C10orf67: variants seen among roughly 807,000 people sequenced by gnomAD.
The protein encoded by C10orf67 is uncharacterized protein C10orf67, mitochondrial.
C10orf67 carries 60 observed loss-of-function variants against 35.6 expected under a neutral mutation model. That is an observed-to-expected ratio of 1.68 (90% CI 1.37 to 2.09). The LOEUF is 2.09. C10orf67 is among the 30% of genes most tolerant of loss of function. The pLI, the probability that C10orf67 is intolerant of heterozygous loss-of-function variation, is 0.00. For synonymous variants in C10orf67, 167 were observed against 115.8 expected (o/e 1.44, Z -2.84); for missense variants, 474 against 330.2 (o/e 1.44, Z -3.38).
intron 13 of C10orf67, among the ~76,000 whole-genome samples, chr10:23,232,619 C>T (rs1025214388): frequency 6.6e-6 from 1 of 152,144 alleles, no homozygotes; most frequent in African/African-American, 2.4e-5. Context: ...GCCCTAAACC[C>T]TGCCACTTGG....
intron 1 of C10orf67, among the ~76,000 whole-genome samples, chr10:23,335,226 T>C (rs1164634365): frequency 6.6e-6 from 1 of 151,844 alleles, no homozygotes; most frequent in Non-Finnish European, 1.5e-5. Context: ...ATTTGACTGA[T>C]GACTTTGCTC....
At chr10:23,330,223 C>T (rs1327007888) in intron 2 of C10orf67, among the ~76,000 whole-genome samples, 2 of 152,120 alleles carry the variant, frequency 1.3e-5, no homozygotes, top group Non-Finnish European at 1.5e-5. Context: ...TTTGGGAGGC[C>T]AAGGCAGGAG....
At chr10:23,228,951 T>C (rs188742751) in intron 13 of C10orf67, among the ~76,000 whole-genome samples, 44 of 152,270 alleles carry the variant, frequency 2.9e-4, no homozygotes, top group African/African-American at 9.9e-4. Flanking sequence ...CTGGAGACGA[T>C]GAGGTGATAT....
intron 1 of C10orf67, among the ~76,000 whole-genome samples, chr10:23,342,790 C>A (rs148681239): frequency 6.6e-6 from 1 of 152,342 alleles, no homozygotes; most frequent in East Asian, 1.9e-4. Context: ...CTGGGGAAGC[C>A]CAGCCCAGGA....
chr10:23,309,822 G>C (rs1464747808), intron 4 of C10orf67, among the ~76,000 whole-genome samples: 1 of 152,144 alleles, frequency 6.6e-6, no homozygotes, highest in African/African-American at 2.4e-5. Flanking sequence ...GAACAAAAAA[G>C]TTTTACTTTT....
At chr10:23,338,310 C>T (rs1332544918) in intron 1 of C10orf67, among the ~76,000 whole-genome samples, 1 of 152,138 alleles carries the variant, frequency 6.6e-6, no homozygotes, top group Admixed American at 6.6e-5. Flanking sequence ...TTTCCCCTTA[C>T]CAAGGCTGGC....
chr10:23,238,766 A>G (rs1303483054), intron 13 of C10orf67, among the ~76,000 whole-genome samples: 2 of 152,208 alleles, frequency 1.3e-5, no homozygotes, highest in Non-Finnish European at 2.9e-5. Context: ...GAGATGAGGA[A>G]AAACCAAGAG....
chr10:23,342,858 C>T (rs1487197928), intron 1 of C10orf67, among the ~76,000 whole-genome samples: 1 of 152,270 alleles, frequency 6.6e-6, no homozygotes, highest in African/African-American at 2.4e-5. Context: ...GTCCCTTCTT[C>T]TCACCCTGGA....
intron 7 of C10orf67, among the ~76,000 whole-genome samples, chr10:23,288,472 G>A (rs1006191363): frequency 1.3e-5 from 2 of 152,162 alleles, no homozygotes; most frequent in Admixed American, 1.3e-4. Flanking sequence ...CCTGTTGGGG[G>A]GCTGGGGGGT....
chr10:23,292,998 T>TTG (rs35211468), intron 5 of C10orf67, among the ~76,000 whole-genome samples: 3,501 of 148,686 alleles, frequency 0.024, 59 homozygotes, highest in South Asian at 0.044. Flanking sequence ...CTAAAAGGTT[T>TTG]TGTGTGTGTG....
chr10:23,270,295 C>T lies in C10orf67; in HGVS notation c.976-3041G>A, dbSNP rs550582837. 7.2e-5 allele frequency among the ~76,000 whole-genome samples: 11 copies of T among 152,270 alleles called. 1 individual carries two copies. In the South Asian group the frequency reaches 1.7e-3, roughly 23 times the overall value. On this transcript the variant is annotated intron_variant, in intron 8 of 15. Coordinates refer to ENST00000636213, the MANE Select transcript of C10orf67 (RefSeq NM_001371909.1). ...ACAGAGCCAAAGAAACCCCTGCCCC[C>T]AGCCAAGGGAAGTGGTGAGTGATTG... is the stretch of plus-strand genomic sequence containing the variant.
At chr10:23,331,190 G>GAA (rs1845443415) in intron 2 of C10orf67, among the ~76,000 whole-genome samples, 1 of 109,584 alleles carries the variant, frequency 9.1e-6, no homozygotes. Flanking sequence ...GAAGGGAAGG[G>GAA]AAGGGAAGGG....
At chr10:23,266,662 A>G (rs1294814262) in intron 9 of C10orf67, among the ~76,000 whole-genome samples, 2 of 151,830 alleles carry the variant, frequency 1.3e-5, no homozygotes, top group African/African-American at 4.8e-5. Context: ...CTAAGAACAC[A>G]CCAACAGATC....
At chr10:23,260,753 T>C (rs1842726420) in intron 10 of C10orf67, among the ~76,000 whole-genome samples, 1 of 152,210 alleles carries the variant, frequency 6.6e-6, no homozygotes, top group Non-Finnish European at 1.5e-5. Flanking sequence ...TGGCTTCTTA[T>C]TGACCTCTTA....
rs1359001935 is a variant in C10orf67 at position 23,323,484 on chromosome 10, G to A, written c.328-947C>T. Reference sequence around the variant, plus strand: ...AAACTTAAAAGAAGAAAAAAAGAGAGATCTAAAAAAAAAATTTATTCTCTA... The same window carrying A: ...AAACTTAAAAGAAGAAAAAAAGAGAAATCTAAAAAAAAAATTTATTCTCTA... On this transcript the variant is annotated intron_variant, in intron 2 of 15. Transcript: ENST00000636213. 2.0e-5 allele frequency among the ~76,000 whole-genome samples: 3 copies of A among 151,572 alleles called. No individual in the cohort carries two copies. In the East Asian group the frequency reaches 5.8e-4, roughly 29 times the overall value.
At chr10:23,272,040 T>C (rs1843041471) in intron 8 of C10orf67, among the ~76,000 whole-genome samples, 1 of 152,140 alleles carries the variant, frequency 6.6e-6, no homozygotes. Context: ...CCTCAGCCTC[T>C]GAAGTATCTG....
intron 5 of C10orf67, among the ~76,000 whole-genome samples, chr10:23,294,384 C>G (rs936182447): frequency 6.6e-6 from 1 of 151,876 alleles, no homozygotes; most frequent in Non-Finnish European, 1.5e-5. Flanking sequence ...CACACACACA[C>G]AGAAACACAC....
chr10:23,258,436 G>T, intron 10 of C10orf67: 1 of 169,610 alleles, frequency 5.9e-6, no homozygotes, highest in South Asian at 1.7e-4. Flanking sequence ...AGCAAAGTGG[G>T]GACAGACTAG....
At position 23,239,730 on chromosome 10, in the gene C10orf67, A is replaced by G; in HGVS notation, c.1433T>C (p.Ile478Thr). 1.5e-6 allele frequency: 1 copy of G among 655,444 alleles called. No individual in the cohort carries two copies. The highest frequency in any genetic ancestry group is 2.9e-6 in the Non-Finnish European group (1 of 339,766). The allele number at this position is 655,444 out of a possible 1,614,324, so 40.6% of individuals were successfully genotyped here. The change falls in exon 13 of 16, where the codon ATT (isoleucine) becomes ACT (threonine). Residue 478 changes from isoleucine (I) to threonine (T), a missense_variant and splice_region_variant. Coordinates refer to ENST00000636213, the MANE Select transcript of C10orf67 (RefSeq NM_001371909.1). ...CATCTAAACATTACATGCACTTACA[A>G]TATAATTGAAGGATGTGTCAGCAAG... ...AVLADTSFNY[I>T]KVKPLLVQSR...
Sources: allele counts gnomAD v4.1 joint callset (sites outside exome capture counted in the v4.1 genomes callset), GRCh38; gene constraint gnomAD v4.1.1; transcripts MANE v1.5; gene names NCBI Gene and HGNC (gene_info 2026-07-23, HGNC 2026-07-21).